Variants in VWC2L observed in about 807,000 individuals in gnomAD.
VWC2L encodes the protein von Willebrand factor C domain-containing protein 2-like.
Under a neutral mutation model 21.6 loss-of-function variants are expected in VWC2L, and 10 were observed. That is an observed-to-expected ratio of 0.46 (90% CI 0.29 to 0.78). The LOEUF is 0.78. VWC2L is among the 30% of genes least tolerant of loss of function. VWC2L has a pLI of 0.10. For synonymous variants in VWC2L, 96 were observed against 94.3 expected (o/e 1.02, Z -0.10); for missense variants, 209 against 277.1 (o/e 0.75, Z 1.74).
chr2:214,460,114 G>T (rs1444611928), intron 3 of VWC2L, among the ~76,000 whole-genome samples: 1 of 151,798 alleles, frequency 6.6e-6, no homozygotes, highest in Non-Finnish European at 1.5e-5. Flanking sequence ...CACCGTGTTG[G>T]CCAGTTTCAC....
chr2:214,418,874 T>C (rs1411715475), intron 2 of VWC2L, among the ~76,000 whole-genome samples: 2 of 152,242 alleles, frequency 1.3e-5, no homozygotes, highest in Non-Finnish European at 2.9e-5. Context: ...GTCCTGCCTT[T>C]ACTTTCTTCC....
At chr2:214,522,965 G>T (rs1056833064) in intron 3 of VWC2L, among the ~76,000 whole-genome samples, 2 of 152,160 alleles carry the variant, frequency 1.3e-5, no homozygotes, top group African/African-American at 4.8e-5. Context: ...CATGTTGCTT[G>T]TTTATATAAT....
At chr2:214,540,060 A>T (rs1288264989) in intron 3 of VWC2L, among the ~76,000 whole-genome samples, 1 of 152,100 alleles carries the variant, frequency 6.6e-6, no homozygotes, top group Non-Finnish European at 1.5e-5. Flanking sequence ...TCACCCTGAA[A>T]GTGTTAATAT....
chr2:214,558,547 C>A (rs1398371403), intron 3 of VWC2L, among the ~76,000 whole-genome samples: 1 of 152,142 alleles, frequency 6.6e-6, no homozygotes, highest in Non-Finnish European at 1.5e-5. Flanking sequence ...AGTCTACCAC[C>A]AACATGAATC....
intron 3 of VWC2L, among the ~76,000 whole-genome samples, chr2:214,553,080 T>C (rs915165244): frequency 1.3e-5 from 2 of 152,176 alleles, no homozygotes; most frequent in East Asian, 3.9e-4. Flanking sequence ...CCATCCCCTC[T>C]TCTCCATTCT....
At chr2:214,513,471 T>C (rs143023579) in intron 3 of VWC2L, among the ~76,000 whole-genome samples, 32 of 152,252 alleles carry the variant, frequency 2.1e-4, no homozygotes, top group Non-Finnish European at 4.0e-4. Context: ...AAGATTCTCA[T>C]TTGACATTTA....
intron 3 of VWC2L, among the ~76,000 whole-genome samples, chr2:214,482,148 C>T (rs1688611695): frequency 1.3e-5 from 2 of 152,098 alleles, no homozygotes; most frequent in Non-Finnish European, 2.9e-5. Context: ...TGAACAGTCG[C>T]AATAGGTCTA....
At chr2:214,490,412 T>C (rs1205868440) in intron 3 of VWC2L, among the ~76,000 whole-genome samples, 1 of 141,576 alleles carries the variant, frequency 7.1e-6, no homozygotes, top group Non-Finnish European at 1.6e-5. Flanking sequence ...TCAGACCATT[T>C]AATTGGCTGA....
intron 3 of VWC2L, among the ~76,000 whole-genome samples, chr2:214,510,948 A>T (rs1689041772): frequency 6.6e-6 from 1 of 152,202 alleles, no homozygotes; most frequent in Non-Finnish European, 1.5e-5. Flanking sequence ...GAAGATTACA[A>T]TGAATGTATC....
At chr2:214,555,890 C>G (rs1689865284) in intron 3 of VWC2L, among the ~76,000 whole-genome samples, 1 of 152,134 alleles carries the variant, frequency 6.6e-6, no homozygotes, top group African/African-American at 2.4e-5. Context: ...CATTCTCCTA[C>G]TTGGAAATAA....
chr2:214,557,324 G>A (rs753533310), intron 3 of VWC2L, among the ~76,000 whole-genome samples: 2 of 152,022 alleles, frequency 1.3e-5, no homozygotes, highest in African/African-American at 4.8e-5. Context: ...CTCGTGAGAC[G>A]TATTCACTAC....
At chr2:214,532,118 C>T (rs1689445481) in intron 3 of VWC2L, among the ~76,000 whole-genome samples, 1 of 151,994 alleles carries the variant, frequency 6.6e-6, no homozygotes, top group Non-Finnish European at 1.5e-5. Flanking sequence ...GAAACCTAGG[C>T]CAGAGACTGA....
chr2:214,503,327 A>C (rs1688921938), intron 3 of VWC2L, among the ~76,000 whole-genome samples: 1 of 152,200 alleles, frequency 6.6e-6, no homozygotes, highest in Non-Finnish European at 1.5e-5. Flanking sequence ...ATACTTTCAG[A>C]GGCCCATGAA....
intron 3 of VWC2L, among the ~76,000 whole-genome samples, chr2:214,555,798 C>T (rs1211827668): frequency 2.0e-5 from 3 of 152,282 alleles, no homozygotes; most frequent in Middle Eastern, 3.4e-3. Flanking sequence ...TTTATTTGCT[C>T]ATTAGTGTAT....
intron 3 of VWC2L, among the ~76,000 whole-genome samples, chr2:214,575,034 TAAAAAA>T (rs3046806): frequency 2.5e-5 from 3 of 118,458 alleles, no homozygotes; most frequent in Non-Finnish European, 5.3e-5. Flanking sequence ...GGTCATTCTT[TAAAAAA>T]AAAAAAAAAA....
chr2:214,498,904 T>C (rs941009967), intron 3 of VWC2L, among the ~76,000 whole-genome samples: 2 of 150,654 alleles, frequency 1.3e-5, no homozygotes, highest in Admixed American at 6.6e-5. Context: ...CAAGAAGACA[T>C]AGAGCATATC....
At chr2:214,473,848 T>TA (rs1379236772) in intron 3 of VWC2L, 3 of 151,790 alleles carry the variant, frequency 2.0e-5, no homozygotes, top group Non-Finnish European at 4.4e-5. Flanking sequence ...ATTGCTCAAA[T>TA]AAAAAATATT....
chr2:214,575,694 G>A lies in VWC2L; in HGVS notation c.543G>A (p.Thr181=), dbSNP rs74382996. The change falls in exon 4 of 4, where the codon ACG becomes ACA. Residue 181 remains threonine (T), a synonymous_variant. Coordinates refer to ENST00000312504, the MANE Select transcript of VWC2L (RefSeq NM_001080500.4). ...CAGGTCCAAACTGCTTTGCAGGAACGACGATAATTCCAGCTGGCATTGAAG... is the reference window on the plus strand; with the variant it reads ...CAGGTCCAAACTGCTTTGCAGGAACAACGATAATTCCAGCTGGCATTGAAG... ...CKNGPNCFAG[T]TIIPAGIEVK... 1.8e-5 allele frequency: 29 copies of A among 1,613,370 alleles called. No individual in the cohort carries two copies. The highest frequency in any genetic ancestry group is 2.4e-5 in the Non-Finnish European group (28 of 1,179,470).
At chr2:214,471,615 T>C (rs1413249092) in intron 3 of VWC2L, among the ~76,000 whole-genome samples, 1 of 152,190 alleles carries the variant, frequency 6.6e-6, no homozygotes, top group East Asian at 1.9e-4. Flanking sequence ...CACTATTTCC[T>C]ATCAGAAGCC....
Sources: allele counts gnomAD v4.1 joint callset (sites outside exome capture counted in the v4.1 genomes callset), GRCh38; gene constraint gnomAD v4.1.1; transcripts MANE v1.5; gene names NCBI Gene and HGNC (gene_info 2026-07-23, HGNC 2026-07-21).